Variants in ADAM12 observed in about 807,000 individuals in gnomAD.
ADAM12 encodes disintegrin and metalloproteinase domain-containing protein 12.
In ADAM12, 70 loss-of-function variants were observed where a neutral mutation model predicts 106.4. The ratio of observed to expected loss-of-function variants is 0.66; its 90% CI spans 0.54 to 0.80. The LOEUF (loss-of-function observed/expected upper bound fraction) is 0.80, where lower values mean the gene tolerates loss of function less well. ADAM12 is among the 30% of genes least tolerant of loss of function. The pLI is 0.00. For synonymous variants in ADAM12, 420 were observed against 433.5 expected (o/e 0.97, Z 0.39); for missense variants, 1,010 against 1,171.9 (o/e 0.86, Z 2.02).
chr10:126,249,342 G>C (rs1958697602), intron 3 of ADAM12, among the ~76,000 whole-genome samples: 1 of 152,192 alleles, frequency 6.6e-6, no homozygotes. Flanking sequence ...TGGTGGTGAT[G>C]GGGAGTGCAT....
chr10:126,151,182 T>C (rs1956723101), intron 4 of ADAM12, among the ~76,000 whole-genome samples: 1 of 152,126 alleles, frequency 6.6e-6, no homozygotes, highest in Admixed American at 6.5e-5. Flanking sequence ...AGAAATGAAT[T>C]TTACATGGCA....
intron 3 of ADAM12, among the ~76,000 whole-genome samples, chr10:126,194,105 C>T (rs1035260050): frequency 3.3e-5 from 5 of 151,660 alleles, no homozygotes; most frequent in Non-Finnish European, 7.4e-5. Context: ...AGAAACGCTC[C>T]AGGTGCTTAT....
chr10:126,093,182 C>A (rs562077336), intron 11 of ADAM12, among the ~76,000 whole-genome samples: 1 of 152,126 alleles, frequency 6.6e-6, no homozygotes, highest in African/African-American at 2.4e-5. Flanking sequence ...TTGTATCCAG[C>A]GCATGCTTCC....
intron 1 of ADAM12, among the ~76,000 whole-genome samples, chr10:126,382,578 G>A (rs558688127): frequency 2.6e-5 from 4 of 152,326 alleles, no homozygotes; most frequent in African/African-American, 9.6e-5. Flanking sequence ...GAAAAATAGA[G>A]TCTGTGATAT....
In ADAM12 at chr10:126,071,441, GTCTTCTTGTATCCTTGTT is replaced by G; in HGVS notation, c.1323+18_1323+35del. On this transcript the variant is annotated intron_variant, in intron 12 of 22. Coordinates refer to ENST00000448723, the MANE Select transcript of ADAM12 (RefSeq NM_001288973.2). ...CTTCTTTGCCTAGCCGAGGATACAA[GTCTTCTTGTATCCTTGTT>G]CTGGGAATGGTTCTTACCTCTGGCT... is the stretch of plus-strand genomic sequence containing the variant. The G allele has an allele frequency of 6.2e-7, 1 of 1,608,082 alleles. No homozygotes were observed. Among genetic ancestry groups the G allele is most frequent in the Non-Finnish European group, 8.5e-7 (1 of 1,175,810 alleles).
intron 1 of ADAM12, among the ~76,000 whole-genome samples, chr10:126,348,069 G>T (rs1855214293): frequency 6.6e-6 from 1 of 152,214 alleles, no homozygotes; most frequent in Non-Finnish European, 1.5e-5. Context: ...ATTGAGAAAG[G>T]AGAGGATTTG....
intron 2 of ADAM12, among the ~76,000 whole-genome samples, chr10:126,289,912 T>C (rs1226208995): frequency 2.6e-5 from 4 of 152,184 alleles, no homozygotes; most frequent in African/African-American, 9.7e-5. Flanking sequence ...TCCCCAAAGA[T>C]GTGCTAACCC....
At chr10:126,025,841 A>G (rs1330223856) in intron 21 of ADAM12, among the ~76,000 whole-genome samples, 1 of 152,250 alleles carries the variant, frequency 6.6e-6, no homozygotes, top group African/African-American at 2.4e-5. Flanking sequence ...GATCAACCCC[A>G]AGACACATAA....
intron 5 of ADAM12, among the ~76,000 whole-genome samples, chr10:126,122,479 A>G (rs565350854): frequency 3.9e-5 from 6 of 152,298 alleles, no homozygotes; most frequent in Admixed American, 3.3e-4. Context: ...AGGCAAAGGG[A>G]GGCAGGGTGC....
At chr10:126,252,140 T>C (rs947284688) in intron 3 of ADAM12, among the ~76,000 whole-genome samples, 2 of 147,448 alleles carry the variant, frequency 1.4e-5, no homozygotes, top group Non-Finnish European at 3.0e-5. Context: ...ATGGACAGGA[T>C]GGATGGGTGG....
At chr10:126,255,694 G>A (rs961788118) in intron 3 of ADAM12, among the ~76,000 whole-genome samples, 1 of 152,138 alleles carries the variant, frequency 6.6e-6, no homozygotes, top group Admixed American at 6.5e-5. Context: ...ACCTTTCTTT[G>A]AATCCCCAAC....
chr10:126,279,671 G>T (rs1182272151), intron 2 of ADAM12, among the ~76,000 whole-genome samples: 2 of 151,944 alleles, frequency 1.3e-5, no homozygotes, highest in Non-Finnish European at 2.9e-5. Context: ...AGGTTGTAGT[G>T]AGCCAAGATT....
intron 2 of ADAM12, among the ~76,000 whole-genome samples, chr10:126,279,849 A>C (rs1959478164): frequency 6.6e-6 from 1 of 152,236 alleles, no homozygotes; most frequent in Non-Finnish European, 1.5e-5. Context: ...GAGTGCAGAA[A>C]GTGGAGACTC....
In ADAM12 at chr10:126,365,814, T is replaced by C. The variant is rs533111565; in HGVS notation, c.88+22244A>G. Among the ~76,000 whole-genome samples the C allele has an allele frequency of 6.6e-4, 100 of 152,292 alleles. 1 individual carries two copies. In the South Asian group the frequency reaches 0.015, roughly 23 times the overall value. On this transcript the variant is annotated intron_variant, in intron 1 of 22. Coordinates refer to ENST00000448723, the MANE Select transcript of ADAM12 (RefSeq NM_001288973.2). ...TTTGGGTGGGGACACAGCCAAACCATATCAAGGAGCACAGCGATTGGAAAG... is the reference window on the plus strand; with the variant it reads ...TTTGGGTGGGGACACAGCCAAACCACATCAAGGAGCACAGCGATTGGAAAG...
At chr10:126,324,726 A>G (rs1217593211) in intron 2 of ADAM12, among the ~76,000 whole-genome samples, 1 of 152,132 alleles carries the variant, frequency 6.6e-6, no homozygotes, top group East Asian at 1.9e-4. Context: ...TCTAGGGACA[A>G]TTAAATTAAG....
intron 2 of ADAM12, among the ~76,000 whole-genome samples, chr10:126,309,031 G>A (rs1052630549): frequency 2.0e-5 from 3 of 152,070 alleles, no homozygotes; most frequent in Non-Finnish European, 4.4e-5. Flanking sequence ...AGTTATTTTG[G>A]GGAACCACGG....
At chr10:126,098,068 G>A (rs1230487190) in intron 10 of ADAM12, among the ~76,000 whole-genome samples, 3 of 152,194 alleles carry the variant, frequency 2.0e-5, no homozygotes, top group African/African-American at 7.2e-5. Flanking sequence ...ACCACAGGGC[G>A]TCCCAACAGC....
intron 2 of ADAM12, among the ~76,000 whole-genome samples, chr10:126,320,578 G>A (rs2133833528): frequency 6.6e-6 from 1 of 152,272 alleles, no homozygotes; most frequent in African/African-American, 2.4e-5. Context: ...CTGGTTATAT[G>A]TTGCAACTTC....
At chr10:126,029,675 A>C (rs945452880) in intron 21 of ADAM12, among the ~76,000 whole-genome samples, 2 of 152,240 alleles carry the variant, frequency 1.3e-5, no homozygotes, top group Non-Finnish European at 2.9e-5. Flanking sequence ...GATGTAACAA[A>C]CCTGCACATC....
Sources: gnomAD v4.1 joint callset for allele counts (sites outside exome capture counted in the v4.1 genomes callset) on GRCh38, gnomAD v4.1.1 for gene constraint, MANE v1.5 for transcripts, NCBI Gene and HGNC (gene_info 2026-07-23, HGNC 2026-07-21) for gene names.